Variants in CFAP61 observed in about 807,000 individuals in gnomAD.
The protein encoded by CFAP61 is cilia- and flagella-associated protein 61.
Under a neutral mutation model 135.6 loss-of-function variants are expected in CFAP61, and 107 were observed. The ratio of observed to expected loss-of-function variants is 0.79; its 90% confidence interval spans 0.67 to 0.93. The LOEUF is 0.93. CFAP61 is among the 40% of genes least tolerant of loss of function. CFAP61 has a pLI of 0.00. For synonymous variants in CFAP61, 575 were observed against 578.5 expected (o/e 0.99, Z 0.09); for missense variants, 1,507 against 1,556.2 (o/e 0.97, Z 0.53).
chr20:20,277,523 G>A, intron 22 of CFAP61, 65 bp downstream of exon 22: 1 of 1,488,684 alleles, frequency 6.7e-7, no homozygotes, highest in Non-Finnish European at 9.0e-7. Context: ...AGGGATTTGG[G>A]GGTCTGGAAG....
chr20:20,063,633 T>C (rs6081858), intron 2 of CFAP61, among the ~76,000 whole-genome samples: 70,549 of 152,036 alleles, frequency 0.46, 17,578 homozygotes, highest in Non-Finnish European at 0.55. Flanking sequence ...TATGTAATGA[T>C]AAAATATTAA....
At chr20:20,329,869 G>A (rs538924703) in intron 25 of CFAP61, among the ~76,000 whole-genome samples, 1 of 152,364 alleles carries the variant, frequency 6.6e-6, no homozygotes, top group Admixed American at 6.5e-5. Flanking sequence ...GCGCCTGTAA[G>A]TGATGGCGGA....
chr20:20,235,037 G>C (rs984961108), intron 18 of CFAP61, among the ~76,000 whole-genome samples: 1 of 152,126 alleles, frequency 6.6e-6, no homozygotes, highest in Non-Finnish European at 1.5e-5. Flanking sequence ...GACTTTCAAA[G>C]GCGGGAAGTG....
intron 8 of CFAP61, among the ~76,000 whole-genome samples, chr20:20,122,001 A>G (rs998876569): frequency 6.6e-6 from 1 of 151,574 alleles, no homozygotes; most frequent in Non-Finnish European, 1.5e-5. Flanking sequence ...ATTTGGCTAC[A>G]TGAGTAAGTT....
At chr20:20,235,920 G>A (rs1221642775) in intron 18 of CFAP61, among the ~76,000 whole-genome samples, 1 of 152,154 alleles carries the variant, frequency 6.6e-6, no homozygotes, top group Non-Finnish European at 1.5e-5. Context: ...AGCCATCTAT[G>A]CAGCAGATGG....
intron 12 of CFAP61, among the ~76,000 whole-genome samples, chr20:20,168,750 A>C (rs1465623777): frequency 1.3e-5 from 2 of 152,184 alleles, no homozygotes; most frequent in African/African-American, 4.8e-5. Flanking sequence ...GACATGCAAG[A>C]CCTCTTATGT....
At chr20:20,115,013 A>T (rs4814940) in intron 8 of CFAP61, among the ~76,000 whole-genome samples, 14,924 of 152,122 alleles carry the variant, frequency 0.098, 1,522 homozygotes, top group East Asian at 0.59. Context: ...ATTCTGTTGA[A>T]GAGATGAATT....
In CFAP61 at chr20:20,077,332, T is replaced by G. The variant is rs992406870; in HGVS notation, c.566+1717T>G. Reference sequence around the variant, plus strand: ...AGACTTAGAAAAGCATATACAGTACTGCTGATTACACTTTTGTGATATACA... The same window carrying G: ...AGACTTAGAAAAGCATATACAGTACGGCTGATTACACTTTTGTGATATACA... On this transcript the variant is annotated intron_variant, in intron 6 of 26. Transcript: ENST00000245957. Among the ~76,000 whole-genome samples the G allele has an allele frequency of 4.6e-5, 7 of 152,342 alleles. No individual in the cohort carries two copies. The East Asian group carries it at 1.3e-3, about 29-fold the overall frequency.
chr20:20,119,166 A>G (rs892602160), intron 8 of CFAP61, among the ~76,000 whole-genome samples: 1 of 152,066 alleles, frequency 6.6e-6, no homozygotes, highest in African/African-American at 2.4e-5. Flanking sequence ...CTCCTCTTCA[A>G]TTTTTTTGAA....
chr20:20,254,530 AAAATG>A (rs1279970557), intron 20 of CFAP61, among the ~76,000 whole-genome samples: 2 of 152,084 alleles, frequency 1.3e-5, no homozygotes, highest in Non-Finnish European at 2.9e-5. Context: ...CAACGGAAAA[AAAATG>A]AAATGAAGAA....
chr20:20,184,101 G>A (rs923239128), intron 13 of CFAP61, among the ~76,000 whole-genome samples: 1 of 152,212 alleles, frequency 6.6e-6, no homozygotes, highest in African/African-American at 2.4e-5. Context: ...GCTACAAAAA[G>A]CCCTGGTCTT....
chr20:20,163,485 C>T (rs949465919), intron 10 of CFAP61, among the ~76,000 whole-genome samples: 4 of 152,142 alleles, frequency 2.6e-5, no homozygotes, highest in Non-Finnish European at 5.9e-5. Context: ...AATACTATCA[C>T]GCTCTAATCT....
chr20:20,313,197 A>C (rs925197005), intron 25 of CFAP61, among the ~76,000 whole-genome samples: 1 of 152,136 alleles, frequency 6.6e-6, no homozygotes, highest in Non-Finnish European at 1.5e-5. Flanking sequence ...TTCTCTCTCT[A>C]TCTCTCTCTC....
chr20:20,287,201 A>G (rs2054647714), intron 22 of CFAP61, among the ~76,000 whole-genome samples: 1 of 152,172 alleles, frequency 6.6e-6, no homozygotes, highest in Admixed American at 6.5e-5. Flanking sequence ...AAAAAAAAAG[A>G]AAAAGACTTG....
intron 11 of CFAP61, among the ~76,000 whole-genome samples, chr20:20,165,022 G>C (rs939707752): frequency 7.9e-5 from 12 of 152,066 alleles, no homozygotes; most frequent in Admixed American, 3.3e-4. Context: ...TCTCCCACAG[G>C]GTCCCTCCCA....
At chr20:20,156,210 A>C (rs547605614) in intron 9 of CFAP61, among the ~76,000 whole-genome samples, 1 of 152,182 alleles carries the variant, frequency 6.6e-6, no homozygotes, top group Non-Finnish European at 1.5e-5. Context: ...CAAAAAGGAT[A>C]ATCATGACTG....
At chr20:20,129,429 C>A (rs2050331946) in intron 8 of CFAP61, among the ~76,000 whole-genome samples, 1 of 151,764 alleles carries the variant, frequency 6.6e-6, no homozygotes, top group Non-Finnish European at 1.5e-5. Context: ...GTGAAGAAGT[C>A]TGTTGCCAGA....
At chr20:20,295,425 T>C (rs1029550759) in intron 24 of CFAP61, among the ~76,000 whole-genome samples, 11 of 152,146 alleles carry the variant, frequency 7.2e-5, no homozygotes, top group Non-Finnish European at 1.5e-4. Context: ...CTGTGGTGCG[T>C]CCTCTCCCAG....
chr20:20,053,381 T>C (rs910616477), intron 1 of CFAP61, among the ~76,000 whole-genome samples: 4 of 152,198 alleles, frequency 2.6e-5, no homozygotes, highest in Non-Finnish European at 5.9e-5. Flanking sequence ...AAAAATATCC[T>C]CCACCAGAGC....
Sources: gnomAD v4.1 joint callset for allele counts (sites outside exome capture counted in the v4.1 genomes callset) on GRCh38, gnomAD v4.1.1 for gene constraint, MANE v1.5 for transcripts, NCBI Gene and HGNC (gene_info 2026-07-23, HGNC 2026-07-21) for gene names.